Variants in SPINK1 observed in about 807,000 individuals in gnomAD.
SPINK1 encodes serine peptidase inhibitor Kazal type 1.
A neutral mutation model predicts 9.5 loss-of-function variants in SPINK1; 5 were observed. That is an observed-to-expected ratio of 0.52 (90% CI 0.27 to 1.10). The LOEUF (loss-of-function observed/expected upper bound fraction) is 1.10. SPINK1 is among the 50% of genes least tolerant of loss of function. SPINK1 has a pLI of 0.11. For synonymous variants in SPINK1, 37 were observed against 32.3 expected (o/e 1.14, Z -0.49); for missense variants, 88 against 92.7 (o/e 0.95, Z 0.21).
At chr5:147,826,410 T>C (rs935769053) in intron 3 of SPINK1, among the ~76,000 whole-genome samples, 1 of 152,296 alleles carries the variant, frequency 6.6e-6, no homozygotes, top group Admixed American at 6.5e-5. Flanking sequence ...TTTTCTAGCA[T>C]ACAAATGTGC....
chr5:147,828,342 C>T (rs754478557), intron 2 of SPINK1, among the ~76,000 whole-genome samples: 1 of 152,200 alleles, frequency 6.6e-6, no homozygotes, highest in African/African-American at 2.4e-5. Flanking sequence ...TTAGTAAGTC[C>T]TATGGCCCTT....
At chr5:147,827,407 C>T (rs906706109) in intron 3 of SPINK1, 1 of 152,516 alleles carries the variant, frequency 6.6e-6, no homozygotes, top group African/African-American at 2.4e-5. Context: ...ACTCCTGTTG[C>T]ACTTTATTTA....
At chr5:147,825,452 C>CT (rs1473119552) in intron 3 of SPINK1, among the ~76,000 whole-genome samples, 1 of 113,660 alleles carries the variant, frequency 8.8e-6, no homozygotes, top group African/African-American at 3.4e-5. Context: ...TCTTTTTTTT[C>CT]TTTTTTTAAG....
the SPINK1 span, among the ~76,000 whole-genome samples, chr5:147,837,355 C>T: frequency 1.3e-5 from 2 of 152,102 alleles, no homozygotes; most frequent in Non-Finnish European, 2.9e-5. Context: ...ACAAAACAAA[C>T]CCCTCTGTGG....
At chr5:147,836,641 A>G (rs1756601590), upstream of SPINK1, among the ~76,000 whole-genome samples, 1 of 152,076 alleles carries the variant, frequency 6.6e-6, no homozygotes, top group East Asian at 1.9e-4. Context: ...CTTTAATAAG[A>G]TTGCAAAGAA....
In SPINK1 at chr5:147,830,119, A is replaced by G. The variant is rs1277404659; in HGVS notation, c.56-489T>C. On this transcript the variant is annotated intron_variant, in intron 1 of 3. Transcript: ENST00000296695. The stretch of plus-strand genomic sequence containing the variant: ...GCAGTAACCAGGTCTTCTGATGCAA[A>G]GTTAGCTTTTTCAATTACATTTAAA... Among the ~76,000 whole-genome samples the G allele has an allele frequency of 2.6e-5, 4 of 152,322 alleles. No individual in the cohort carries two copies. The East Asian group carries it at 7.7e-4, about 29-fold the overall frequency.
upstream of SPINK1, chr5:147,831,936 A>T: frequency 3.0e-6 from 2 of 673,786 alleles, no homozygotes; most frequent in Non-Finnish European, 4.2e-6. Context: ...GAACTCAAAG[A>T]TCCCTTCTAC....
intron 3 of SPINK1, 161 bp downstream of exon 3, chr5:147,827,861 A>G (rs1561605119): frequency 1.8e-6 from 1 of 570,692 alleles, no homozygotes; most frequent in Non-Finnish European, 3.0e-6. Context: ...AAAAAATAAT[A>G]TTTAATGCTA....
At chr5:147,827,269 G>A (rs1218250529) in intron 3 of SPINK1, 1 of 152,312 alleles carries the variant, frequency 6.6e-6, no homozygotes. Context: ...GGTCTCAGGT[G>A]ATCCACCTGC....
intron 3 of SPINK1, 49 bp downstream of exon 3, chr5:147,827,973 T>C (rs1425435268): frequency 5.7e-6 from 8 of 1,403,088 alleles, no homozygotes; most frequent in Non-Finnish European, 7.9e-6. Context: ...CACTTGAAGA[T>C]AACTAACTTA....
the SPINK1 span, among the ~76,000 whole-genome samples, chr5:147,837,677 CT>C: frequency 6.9e-6 from 1 of 144,072 alleles, no homozygotes; most frequent in African/African-American, 2.6e-5. Context: ...TTCTTTCTTT[CT>C]TTCTTTCTTT....
At chr5:147,828,169 C>A (rs1756445905) in intron 2 of SPINK1, 41 bp from the exon 3 acceptor site, 1 of 1,483,800 alleles carries the variant, frequency 6.7e-7, no homozygotes, top group African/African-American at 1.4e-5. Flanking sequence ...CATTATTCTC[C>A]ATTCTTGAGT....
the SPINK1 span, among the ~76,000 whole-genome samples, chr5:147,837,941 A>T: frequency 6.6e-6 from 1 of 151,944 alleles, no homozygotes; most frequent in Non-Finnish European, 1.5e-5. Context: ...ACCTCAGGTG[A>T]TCCACCCGCC....
At chr5:147,832,801 T>C (rs1049472604), upstream of SPINK1, among the ~76,000 whole-genome samples, 1 of 152,196 alleles carries the variant, frequency 6.6e-6, no homozygotes, top group Non-Finnish European at 1.5e-5. Context: ...GGCTAACTTC[T>C]TAGCTTCCAA....
chr5:147,836,983 C>T, the SPINK1 span, among the ~76,000 whole-genome samples: 2 of 152,192 alleles, frequency 1.3e-5, no homozygotes, highest in African/African-American at 2.4e-5. Context: ...TCCAGCATGT[C>T]ATTTAATGAT....
chr5:147,831,440 TC>T, intron 1 of SPINK1, 82 bp downstream of exon 1: 2 of 1,549,148 alleles, frequency 1.3e-6, no homozygotes, highest in Middle Eastern at 1.7e-4. Flanking sequence ...CTAGACTACA[TC>T]AAAAGTCTAG....
At chr5:147,838,860 T>TC in the SPINK1 span, among the ~76,000 whole-genome samples, 137 of 152,180 alleles carry the variant, frequency 9.0e-4, no homozygotes, top group African/African-American at 3.3e-3. Flanking sequence ...CCCCCACGGT[T>TC]CCCCATGGTC....
chr5:147,826,993 T>C (rs1756418030), intron 3 of SPINK1: 1 of 152,236 alleles, frequency 6.6e-6, no homozygotes, highest in African/African-American at 2.4e-5. Context: ...ATTTGCTTTG[T>C]TCATTCCACA....
chr5:147,835,106 A>T (rs538586599), upstream of SPINK1, among the ~76,000 whole-genome samples: 51 of 152,054 alleles, frequency 3.4e-4, no homozygotes, highest in Non-Finnish European at 6.2e-4. Flanking sequence ...CTTTGCAGAC[A>T]ACAAGTTAAA....
Sources: allele counts gnomAD v4.1 joint callset (sites outside exome capture counted in the v4.1 genomes callset), GRCh38; gene constraint gnomAD v4.1.1; transcripts MANE v1.5; gene names NCBI Gene and HGNC (gene_info 2026-07-23, HGNC 2026-07-21).